The following TMEM131 variants were observed in gnomAD, a reference collection of about 807,000 sequenced individuals.
TMEM131 encodes transmembrane protein 131.
A neutral mutation model predicts 211.6 loss-of-function variants in TMEM131; 66 were observed. The observed-to-expected ratio is 0.31, with a 90% CI of 0.26 to 0.38. The LOEUF is 0.38. Among genes scored for constraint, TMEM131 ranks in the 10% least tolerant of loss-of-function variants. The pLI, the probability that TMEM131 is intolerant of heterozygous loss-of-function variation, is 1.00. For missense variants in TMEM131, 2,036 were observed against 2,299.3 expected (o/e 0.89, Z 2.34); for synonymous variants, 844 against 841.3 (o/e 1.00, Z -0.06).
At chr2:97,914,362 C>T (rs929029872) in intron 2 of TMEM131, among the ~76,000 whole-genome samples, 1 of 152,216 alleles carries the variant, frequency 6.6e-6, no homozygotes, top group African/African-American at 2.4e-5. Flanking sequence ...GTACGATCCA[C>T]CTGCCTTGTT....
intron 1 of TMEM131, among the ~76,000 whole-genome samples, chr2:97,978,884 C>G (rs910036234): frequency 6.6e-6 from 1 of 152,128 alleles, no homozygotes; most frequent in African/African-American, 2.4e-5. Flanking sequence ...GGACTTTGCC[C>G]AGATCCAACT....
At chr2:97,834,594 A>G in intron 10 of TMEM131, 27 bp downstream of exon 10, 1 of 1,500,744 alleles carries the variant, frequency 6.7e-7, no homozygotes, top group Non-Finnish European at 8.9e-7. Flanking sequence ...AAAACTCCAT[A>G]AAGACTCTTT....
intron 1 of TMEM131, among the ~76,000 whole-genome samples, chr2:97,965,082 CG>C (rs558420161): frequency 6.6e-6 from 1 of 152,092 alleles, no homozygotes; most frequent in Non-Finnish European, 1.5e-5. Flanking sequence ...ACAGGTTGCT[CG>C]GGGAAATAAC....
At chr2:97,960,323 T>C (rs1432684467) in intron 1 of TMEM131, among the ~76,000 whole-genome samples, 1 of 152,258 alleles carries the variant, frequency 6.6e-6, no homozygotes, top group African/African-American at 2.4e-5. Flanking sequence ...AAGGCATTCT[T>C]TGGTAATGTC....
At chr2:97,881,204 T>C (rs1035642195) in intron 4 of TMEM131, among the ~76,000 whole-genome samples, 2 of 151,948 alleles carry the variant, frequency 1.3e-5, no homozygotes, top group Non-Finnish European at 2.9e-5. Context: ...ATGCAGACAG[T>C]ATCTGGCATA....
intron 10 of TMEM131, 147 bp downstream of exon 10, chr2:97,834,474 G>A: frequency 1.5e-6 from 1 of 684,694 alleles, no homozygotes; most frequent in East Asian, 3.0e-5. Context: ...AAGGCGCTGA[G>A]TCTGAAAAGG....
At chr2:97,893,152 T>C (rs1057212198) in intron 3 of TMEM131, among the ~76,000 whole-genome samples, 1 of 152,238 alleles carries the variant, frequency 6.6e-6, no homozygotes, top group Non-Finnish European at 1.5e-5. Flanking sequence ...TTTGGTTTTC[T>C]GTTCTTGTGT....
chr2:97,759,109 A>G lies in TMEM131; in HGVS notation c.5207-56T>C, dbSNP rs538254765. 3.8e-5 allele frequency: 61 copies of G among 1,604,130 alleles called. No individual in the cohort carries two copies. In the East Asian group the frequency reaches 1.3e-3, roughly 35 times the overall value. ...TATTTGGTTTTGCCATGATCACTAT[A>G]GCATATGGGGCTTCACTCAATGGCA... On this transcript the variant is annotated intron_variant, in intron 39 of 40. Transcript: ENST00000186436.
rs1440739202 is a variant in TMEM131 at position 97,925,739 on chromosome 2, A to C, written c.249+1687T>G. On this transcript the variant is annotated intron_variant, in intron 2 of 40. Coordinates refer to ENST00000186436, the MANE Select transcript of TMEM131 (RefSeq NM_015348.2). Reference sequence around the variant, plus strand: ...TCCTTATCTAAAAATAAAGAAAACAAGTCTAATCTTTTTGGCAATTTTTAA... The same window carrying C: ...TCCTTATCTAAAAATAAAGAAAACACGTCTAATCTTTTTGGCAATTTTTAA... Among the ~76,000 whole-genome samples, 15 of 152,202 alleles carry C rather than the reference A, an allele frequency of 9.9e-5. No individual in the cohort carries two copies. The East Asian group carries it at 2.7e-3, about 27-fold the overall frequency.
chr2:97,793,002 T>C lies in TMEM131; in HGVS notation c.3546-18A>G, dbSNP rs760984604. 1.3e-6 allele frequency: 2 copies of C among 1,482,424 alleles called. No individual in the cohort carries two copies. The highest frequency in any genetic ancestry group is 1.8e-6 in the Non-Finnish European group (2 of 1,113,148). 91.8% of individuals were successfully genotyped at this position (1,482,424 alleles called of 1,614,324 possible). On this transcript the variant is annotated intron_variant, in intron 30 of 40. Coordinates refer to ENST00000186436, the MANE Select transcript of TMEM131 (RefSeq NM_015348.2). ...TGTTCAAGCTGAAAAAGGGACCAAC[T>C]GCAGATCAGTAAATAGCAACCTACA... is the stretch of plus-strand genomic sequence containing the variant.
chr2:97,857,645 G>A lies in TMEM131; in HGVS notation c.483+1659C>T, dbSNP rs191549202. Among the ~76,000 whole-genome samples the A allele has an allele frequency of 2.6e-5, 4 of 152,276 alleles. No individual in the cohort carries two copies. In the East Asian group the frequency reaches 7.7e-4, roughly 29 times the overall value. On this transcript the variant is annotated intron_variant, in intron 5 of 40. Coordinates refer to ENST00000186436, the MANE Select transcript of TMEM131 (RefSeq NM_015348.2). Reference sequence around the variant, plus strand: ...TACTGACAATGCCTGAAAGCTGGATGGTTTCATTACACATAAATACATCTC... The same window carrying A: ...TACTGACAATGCCTGAAAGCTGGATAGTTTCATTACACATAAATACATCTC...
At chr2:97,948,054 T>C (rs1678125023) in intron 1 of TMEM131, among the ~76,000 whole-genome samples, 1 of 152,154 alleles carries the variant, frequency 6.6e-6, no homozygotes, top group African/African-American at 2.4e-5. Flanking sequence ...TAACAGAATT[T>C]ATGTAAGAGC....
Position 97,792,898 on chromosome 2 carries a change from T to C in TMEM131, c.3632A>G (p.His1211Arg), listed in dbSNP as rs1182060397. 6 of 1,613,184 alleles carry C rather than the reference T, an allele frequency of 3.7e-6. No individual in the cohort carries two copies. The highest frequency in any genetic ancestry group is 2.2e-5 in the South Asian group (2 of 91,028). The change falls in exon 31 of 41, where the codon CAT becomes CGT. Residue 1211 changes from histidine to arginine, a missense_variant. By Grantham distance (29) the His-to-Arg change is conservative. Coordinates refer to ENST00000186436, the MANE Select transcript of TMEM131 (RefSeq NM_015348.2). ...GTGGACCGATGGGCCACACTGCTTA[T>C]GACTCCCGGCACTGGGTCGGGATGA... Reference protein sequence around the residue: ...GSSSRPSAGSHKQCGPSVHPH... With the variant: ...GSSSRPSAGSRKQCGPSVHPH...
chr2:97,936,698 G>A (rs956221105), intron 1 of TMEM131, among the ~76,000 whole-genome samples: 4 of 152,100 alleles, frequency 2.6e-5, no homozygotes, highest in African/African-American at 2.4e-5. Flanking sequence ...CCTTAGGGAG[G>A]GGAAAATCTA....
intron 1 of TMEM131, among the ~76,000 whole-genome samples, chr2:97,965,487 G>C (rs1679017932): frequency 6.6e-6 from 1 of 152,184 alleles, no homozygotes; most frequent in African/African-American, 2.4e-5. Context: ...GCCAGGTGGT[G>C]TGGGGCTGGT....
At chr2:97,885,267 C>G (rs541148885) in intron 4 of TMEM131, among the ~76,000 whole-genome samples, 1 of 133,122 alleles carries the variant, frequency 7.5e-6, no homozygotes, top group Non-Finnish European at 1.6e-5. Flanking sequence ...GCGCGATCTC[C>G]GCTCACTGCA....
At chr2:97,760,557 T>G in intron 38 of TMEM131, 36 bp downstream of exon 38, 1 of 1,574,654 alleles carries the variant, frequency 6.4e-7, no homozygotes, top group Non-Finnish European at 8.7e-7. Context: ...TGAGAAGCCT[T>G]CCGTCTTTCT....
intron 1 of TMEM131, among the ~76,000 whole-genome samples, chr2:97,968,287 G>T (rs1310608090): frequency 1.3e-5 from 2 of 152,138 alleles, no homozygotes; most frequent in East Asian, 3.9e-4. Flanking sequence ...GGCGCAGAGG[G>T]TCTATGTTTC....
At chr2:97,827,047 G>A (rs1682423685) in intron 11 of TMEM131, among the ~76,000 whole-genome samples, 1 of 138,290 alleles carries the variant, frequency 7.2e-6, no homozygotes, top group Non-Finnish European at 1.5e-5. Flanking sequence ...AAGACACAAT[G>A]GGTATTCAGT....
Sources: allele counts gnomAD v4.1 joint callset (sites outside exome capture counted in the v4.1 genomes callset), GRCh38; gene constraint gnomAD v4.1.1; transcripts MANE v1.5; gene names NCBI Gene and HGNC (gene_info 2026-07-23, HGNC 2026-07-21).